CPQ: variants seen among roughly 807,000 people sequenced by gnomAD.
CPQ encodes Ser-Met dipeptidase.
CPQ carries 37 observed loss-of-function variants against 45.7 expected under a neutral mutation model. The observed-to-expected ratio is 0.81, with a 90% CI of 0.62 to 1.07. CPQ has a LOEUF of 1.07. CPQ is among the 50% of genes least tolerant of loss of function. The pLI is 0.00. For missense variants in CPQ, 537 were observed against 572.9 expected, an observed-to-expected ratio of 0.94 and a Z score of 0.64; for synonymous variants, 186 against 205.8, an observed-to-expected ratio of 0.90 and a Z score of 0.82.
chr8:96,765,790 G>T (rs1810460705), intron 1 of CPQ, among the ~76,000 whole-genome samples: 1 of 152,128 alleles, frequency 6.6e-6, no homozygotes, highest in African/African-American at 2.4e-5. Flanking sequence ...TCTTAATTCT[G>T]GCCCCCCCAT....
chr8:97,140,430 C>T (rs867491896), intron 7 of CPQ, among the ~76,000 whole-genome samples: 8 of 151,754 alleles, frequency 5.3e-5, no homozygotes, highest in Middle Eastern at 6.8e-3. Flanking sequence ...ACTGGAGAGC[C>T]ACAAACAGAA....
At chr8:96,897,124 A>G (rs903752288) in intron 4 of CPQ, among the ~76,000 whole-genome samples, 10 of 152,190 alleles carry the variant, frequency 6.6e-5, no homozygotes, top group African/African-American at 2.4e-4. Flanking sequence ...TAAGGACAGT[A>G]TTGAATAGGA....
At chr8:96,653,031 A>C (rs1170819207) in intron 1 of CPQ, among the ~76,000 whole-genome samples, 4 of 152,158 alleles carry the variant, frequency 2.6e-5, no homozygotes, top group Non-Finnish European at 5.9e-5. Context: ...TCCCAGGCTC[A>C]AGCCATCCTC....
chr8:96,815,459 G>C (rs957253172), intron 2 of CPQ, among the ~76,000 whole-genome samples: 2 of 151,924 alleles, frequency 1.3e-5, no homozygotes, highest in African/African-American at 4.8e-5. Flanking sequence ...AGCAGAATGG[G>C]CTATTAAGGT....
At chr8:97,060,526 A>T (rs2513340) in intron 6 of CPQ, among the ~76,000 whole-genome samples, 114,189 of 152,030 alleles carry the variant, frequency 0.75, 42,986 homozygotes, top group African/African-American at 0.79. Context: ...AATAATGAGC[A>T]GCTTCTCTTT....
intron 5 of CPQ, among the ~76,000 whole-genome samples, chr8:96,970,620 G>A (rs921761374): frequency 3.3e-5 from 5 of 151,410 alleles, no homozygotes; most frequent in African/African-American, 1.2e-4. Flanking sequence ...CTGGAGTGCA[G>A]TGGTGCGATC....
intron 7 of CPQ, among the ~76,000 whole-genome samples, chr8:97,098,023 C>A (rs1396503205): frequency 1.3e-5 from 2 of 152,108 alleles, no homozygotes; most frequent in Non-Finnish European, 2.9e-5. Flanking sequence ...TCTATCACAG[C>A]CTTTATCCCC....
intron 7 of CPQ, among the ~76,000 whole-genome samples, chr8:97,099,443 T>A (rs1811266238): frequency 6.6e-6 from 1 of 152,030 alleles, no homozygotes; most frequent in Non-Finnish European, 1.5e-5. Context: ...AAAACTCCCT[T>A]TCTGATCACA....
intron 3 of CPQ, among the ~76,000 whole-genome samples, chr8:96,836,804 T>G (rs1261198322): frequency 2.6e-5 from 4 of 152,066 alleles, no homozygotes; most frequent in Non-Finnish European, 4.4e-5. Flanking sequence ...TTTTTTTTTT[T>G]TTTTCTGGCA....
At chr8:96,889,751 G>T (rs1487922299) in intron 4 of CPQ, among the ~76,000 whole-genome samples, 1 of 152,184 alleles carries the variant, frequency 6.6e-6, no homozygotes. Flanking sequence ...AGAACATGGA[G>T]TCTGATATTC....
At chr8:96,770,639 G>A (rs1810527868) in intron 1 of CPQ, among the ~76,000 whole-genome samples, 1 of 150,652 alleles carries the variant, frequency 6.6e-6, no homozygotes, top group Non-Finnish European at 1.5e-5. Context: ...TCTAATAAAA[G>A]TAGACACAGT....
At chr8:97,111,321 G>C (rs970525965) in intron 7 of CPQ, among the ~76,000 whole-genome samples, 1 of 152,178 alleles carries the variant, frequency 6.6e-6, no homozygotes, top group Non-Finnish European at 1.5e-5. Context: ...CTTCCCAGCT[G>C]CATCATCCTG....
At chr8:96,827,844 T>C (rs1309844550) in intron 2 of CPQ, among the ~76,000 whole-genome samples, 1 of 152,128 alleles carries the variant, frequency 6.6e-6, no homozygotes, top group Non-Finnish European at 1.5e-5. Flanking sequence ...AGAAATCCTC[T>C]GCTTTAAGCA....
chr8:96,909,295 C>T (rs186239595), intron 4 of CPQ, among the ~76,000 whole-genome samples: 13 of 151,812 alleles, frequency 8.6e-5, no homozygotes, highest in East Asian at 1.9e-4. Context: ...TCATGCTAAG[C>T]GTTACCATCT....
chr8:96,984,117 T>A (rs1350623233), intron 5 of CPQ, among the ~76,000 whole-genome samples: 1 of 152,170 alleles, frequency 6.6e-6, no homozygotes, highest in African/African-American at 2.4e-5. Context: ...TTTCTTTTTT[T>A]TAGTGGTTAC....
Position 96,645,361 on chromosome 8 carries a change from TG to T in CPQ, c.-73del. The stretch of plus-strand genomic sequence containing the variant: ...TAAGGCTAGGCCGCGAGCTTAGTCC[TG>T]GGAGCCGCCTCCGTCGCCGCCGTCA... On this transcript the variant is annotated 5_prime_UTR_variant, in exon 1 of 8. Transcript: ENST00000220763. 6.5e-6 allele frequency: 1 copy of T among 152,842 alleles called. No individual in the cohort carries two copies. The highest frequency in any genetic ancestry group is 1.5e-5 in the Non-Finnish European group (1 of 68,460). 9.5% of individuals were successfully genotyped at this position (152,842 alleles called of 1,614,324 possible).
intron 6 of CPQ, among the ~76,000 whole-genome samples, chr8:97,036,990 C>T (rs558029971): frequency 6.8e-4 from 103 of 152,224 alleles, no homozygotes; most frequent in African/African-American, 2.5e-3. Context: ...TATGGTCATT[C>T]CAAATACACG....
chr8:97,071,426 C>A (rs1430412482), intron 7 of CPQ, among the ~76,000 whole-genome samples: 2 of 152,114 alleles, frequency 1.3e-5, no homozygotes, highest in Non-Finnish European at 1.5e-5. Context: ...CACTTGTGTT[C>A]TCCTCCTCCT....
intron 1 of CPQ, among the ~76,000 whole-genome samples, chr8:96,724,287 T>C (rs931199710): frequency 2.6e-5 from 4 of 152,124 alleles, no homozygotes; most frequent in Non-Finnish European, 5.9e-5. Context: ...TCATACCTTT[T>C]GACTGCTCTG....
Sources: gnomAD v4.1 joint callset for allele counts (sites outside exome capture counted in the v4.1 genomes callset) on GRCh38, gnomAD v4.1.1 for gene constraint, MANE v1.5 for transcripts, NCBI Gene and HGNC (gene_info 2026-07-23, HGNC 2026-07-21) for gene names.